RAB38: variants seen among roughly 807,000 people sequenced by gnomAD.
The protein encoded by RAB38 is ras-related protein Rab-38.
In RAB38, 15 loss-of-function variants were observed where a neutral mutation model predicts 18.4. That is an observed-to-expected ratio of 0.82 (90% CI 0.55 to 1.26). RAB38 has a LOEUF of 1.26. RAB38 is among the 50% of genes most tolerant of loss of function. The pLI, the probability that RAB38 is intolerant of heterozygous loss-of-function variation, is 0.00. For missense variants in RAB38, 294 were observed against 267.4 expected (o/e 1.10, Z -0.69); for synonymous variants, 101 against 104.4 (o/e 0.97, Z 0.20).
chr11:88,032,252 T>C, the RAB38 span, among the ~76,000 whole-genome samples: 3 of 152,312 alleles, frequency 2.0e-5, no homozygotes, highest in Middle Eastern at 3.4e-3. Flanking sequence ...AAGACTTAAA[T>C]GTTAGACCTA....
the RAB38 span, among the ~76,000 whole-genome samples, chr11:87,925,396 T>G: frequency 6.6e-6 from 1 of 152,024 alleles, no homozygotes; most frequent in Non-Finnish European, 1.5e-5. Flanking sequence ...TAAGCATCTG[T>G]GTTAGGGTTA....
the RAB38 span, among the ~76,000 whole-genome samples, chr11:87,916,804 A>G: frequency 1.3e-5 from 2 of 152,132 alleles, no homozygotes; most frequent in Non-Finnish European, 2.9e-5. Flanking sequence ...AATCCAGTCT[A>G]TTGACTTCTA....
the RAB38 span, among the ~76,000 whole-genome samples, chr11:88,077,009 A>G: frequency 6.9e-5 from 8 of 116,222 alleles, no homozygotes; most frequent in Non-Finnish European, 1.2e-4. Flanking sequence ...AAAAGAAAAG[A>G]AAAGAAAAGA....
At chr11:88,168,303 T>C (rs1283191909) in intron 1 of RAB38, among the ~76,000 whole-genome samples, 1 of 152,180 alleles carries the variant, frequency 6.6e-6, no homozygotes, top group Non-Finnish European at 1.5e-5. Flanking sequence ...TAATTTGGCA[T>C]ATATGACCTT....
At chr11:88,008,246 T>C in the RAB38 span, among the ~76,000 whole-genome samples, 8 of 152,234 alleles carry the variant, frequency 5.3e-5, no homozygotes, top group Admixed American at 5.2e-4. Flanking sequence ...TATTATACCC[T>C]TAACCATAAA....
At chr11:88,112,743 C>T (rs1942489477), downstream of RAB38, among the ~76,000 whole-genome samples, 1 of 151,882 alleles carries the variant, frequency 6.6e-6, no homozygotes, top group Admixed American at 6.6e-5. Flanking sequence ...CACTGCACTC[C>T]AGCCTGGTGA....
the RAB38 span, among the ~76,000 whole-genome samples, chr11:87,915,888 A>C: frequency 6.6e-6 from 1 of 152,072 alleles, no homozygotes; most frequent in Non-Finnish European, 1.5e-5. Context: ...CCAGTGCACC[A>C]AGGATGTGGG....
chr11:88,095,984 T>C, the RAB38 span, among the ~76,000 whole-genome samples: 1 of 152,040 alleles, frequency 6.6e-6, no homozygotes, highest in East Asian at 1.9e-4. Flanking sequence ...CTTGGATTAT[T>C]GCAATAGTCT....
chr11:88,155,333 C>T (rs976647856), intron 1 of RAB38, among the ~76,000 whole-genome samples: 4 of 152,164 alleles, frequency 2.6e-5, no homozygotes, highest in African/African-American at 9.7e-5. Flanking sequence ...CACCTAGCCA[C>T]ATTGACCACA....
chr11:87,937,758 A>C, the RAB38 span, among the ~76,000 whole-genome samples: 318 of 151,618 alleles, frequency 2.1e-3, 4 homozygotes, highest in Admixed American at 0.015. Flanking sequence ...TAAAATCTCC[A>C]TTTGGTTCTT....
the RAB38 span, among the ~76,000 whole-genome samples, chr11:88,026,673 C>T: frequency 5.3e-5 from 8 of 151,964 alleles, no homozygotes; most frequent in South Asian, 6.3e-4. Context: ...CCACTGCACC[C>T]GGCCGTTTTC....
chr11:88,049,837 A>C, the RAB38 span, among the ~76,000 whole-genome samples: 5 of 152,222 alleles, frequency 3.3e-5, no homozygotes, highest in African/African-American at 7.2e-5. Context: ...TCTGGGCCAA[A>C]TGTAGGTTAA....
chr11:87,842,723 T>C, the RAB38 span, among the ~76,000 whole-genome samples: 1 of 151,804 alleles, frequency 6.6e-6, no homozygotes, highest in Non-Finnish European at 1.5e-5. Flanking sequence ...TACCTCAGAA[T>C]ACACAAGTGC....
the RAB38 span, among the ~76,000 whole-genome samples, chr11:88,018,040 C>T: frequency 2.0e-5 from 3 of 152,080 alleles, no homozygotes; most frequent in African/African-American, 7.2e-5. Flanking sequence ...CCTTCCTCCA[C>T]GATTGTGTGG....
At chr11:88,162,158 T>C (rs1053395427) in intron 1 of RAB38, among the ~76,000 whole-genome samples, 25 of 152,242 alleles carry the variant, frequency 1.6e-4, no homozygotes, top group African/African-American at 5.8e-4. Context: ...TTATTTCCAG[T>C]TTTTAATAAA....
the RAB38 span, among the ~76,000 whole-genome samples, chr11:88,094,931 T>C: frequency 6.6e-6 from 1 of 151,990 alleles, no homozygotes; most frequent in East Asian, 1.9e-4. Flanking sequence ...TCTCTTCTTA[T>C]TCCACTGAGA....
At chr11:87,886,824 G>GA in the RAB38 span, among the ~76,000 whole-genome samples, 1 of 139,024 alleles carries the variant, frequency 7.2e-6, no homozygotes, top group African/African-American at 2.7e-5. Flanking sequence ...TGAAGCACTT[G>GA]TTTTTTTTTT....
intron 2 of RAB38, among the ~76,000 whole-genome samples, chr11:88,121,170 C>T (rs1186845270): frequency 6.6e-6 from 1 of 152,186 alleles, no homozygotes; most frequent in African/African-American, 2.4e-5. Context: ...TACCCACCTC[C>T]ATTGACACCA....
At chr11:88,127,752 T>C (rs1037733414) in intron 2 of RAB38, among the ~76,000 whole-genome samples, 2 of 152,228 alleles carry the variant, frequency 1.3e-5, no homozygotes, top group Admixed American at 6.5e-5. Context: ...TCCTCTCTGA[T>C]AGACCAATGC....
Sources: gnomAD v4.1 joint callset for allele counts (sites outside exome capture counted in the v4.1 genomes callset) on GRCh38, gnomAD v4.1.1 for gene constraint, MANE v1.5 for transcripts, NCBI Gene and HGNC (gene_info 2026-07-23, HGNC 2026-07-21) for gene names.